The following PCOLCE2 variants were observed in gnomAD, a reference collection of about 807,000 sequenced individuals.
PCOLCE2 encodes the protein procollagen C-proteinase enhancer 2.
In PCOLCE2, 42 loss-of-function variants were observed where a neutral mutation model predicts 47.0. The observed-to-expected ratio is 0.89, with a 90% CI of 0.70 to 1.16. The LOEUF (loss-of-function observed/expected upper bound fraction) is 1.16, where lower values mean the gene tolerates loss of function less well. Ranked by LOEUF, PCOLCE2 falls within the 50% of genes most tolerant of loss-of-function variation. The pLI is 0.00. For synonymous variants in PCOLCE2, 169 were observed against 191.7 expected, an observed-to-expected ratio of 0.88 and a Z score of 0.98; for missense variants, 500 against 526.1, an observed-to-expected ratio of 0.95 and a Z score of 0.49.
intron 2 of PCOLCE2, among the ~76,000 whole-genome samples, chr3:142,849,973 T>A (rs1937371738): frequency 6.6e-6 from 1 of 152,240 alleles, no homozygotes; most frequent in Non-Finnish European, 1.5e-5. Context: ...GTAGAAATTA[T>A]AATGGCGTAG....
chr3:142,833,104 A>G (rs1024923669), intron 5 of PCOLCE2, among the ~76,000 whole-genome samples: 4 of 152,158 alleles, frequency 2.6e-5, no homozygotes, highest in African/African-American at 9.7e-5. Flanking sequence ...TCACACACAT[A>G]TGCATCACTA....
At chr3:142,864,772 A>G (rs1403040712) in intron 2 of PCOLCE2, among the ~76,000 whole-genome samples, 1 of 152,150 alleles carries the variant, frequency 6.6e-6, no homozygotes, top group African/African-American at 2.4e-5. Flanking sequence ...TATGTGGTCT[A>G]TTGCATCTGG....
intron 2 of PCOLCE2, among the ~76,000 whole-genome samples, chr3:142,851,248 G>A (rs1326738932): frequency 1.3e-5 from 2 of 152,150 alleles, no homozygotes; most frequent in African/African-American, 2.4e-5. Context: ...GGACTGCTGG[G>A]GTCCACTTGA....
chr3:142,868,086 G>C (rs1365629452), intron 2 of PCOLCE2, among the ~76,000 whole-genome samples: 1 of 152,134 alleles, frequency 6.6e-6, no homozygotes, highest in Non-Finnish European at 1.5e-5. Context: ...CTCCCATAAA[G>C]GCCATTCAAT....
chr3:142,884,738 A>C (rs921879594), intron 2 of PCOLCE2, among the ~76,000 whole-genome samples: 2 of 152,230 alleles, frequency 1.3e-5, no homozygotes, highest in Admixed American at 6.5e-5. Flanking sequence ...TGCAAAGCAG[A>C]AGTACAACTA....
rs767765923 is a variant in PCOLCE2 at position 142,821,011 on chromosome 3, G to C, written c.984C>G (p.Arg328=). The C allele has an allele frequency of 6.2e-7, 1 of 1,612,880 alleles. No individual in the cohort carries two copies. The highest frequency in any genetic ancestry group is 1.3e-5 in the African/African-American group (1 of 75,014). The part of the protein sequence containing the change: ...LAGTVITTIT[R]DGSLHATVSI... The stretch of plus-strand genomic sequence containing the variant: ...AGACTGTGGCGTGCAAACTCCCATC[G>C]CGAGTGATGGTTGTGATAACAGTGC... Residue 328 remains arginine, a synonymous_variant, in exon 8 of 9, where the codon CGC becomes CGG. Coordinates refer to ENST00000295992, the MANE Select transcript of PCOLCE2 (RefSeq NM_013363.4).
At chr3:142,872,137 T>G (rs2108208413) in intron 2 of PCOLCE2, among the ~76,000 whole-genome samples, 1 of 152,244 alleles carries the variant, frequency 6.6e-6, no homozygotes, top group Admixed American at 6.5e-5. Flanking sequence ...CTCTGTGAGG[T>G]CACCTTGTGC....
intron 2 of PCOLCE2, among the ~76,000 whole-genome samples, chr3:142,851,665 T>G (rs886422096): frequency 6.6e-6 from 1 of 152,142 alleles, no homozygotes. Context: ...ATCACCCATA[T>G]AGATATTGAA....
Position 142,836,854 on chromosome 3 carries a change from G to A in PCOLCE2, c.710+1916C>T, listed in dbSNP as rs188922884. ...GGAAAGTTTCAAGGGAAAAAAGGAG[G>A]AGGTCCAAAGGAAGACATAGATTAA... On this transcript the variant is annotated intron_variant, in intron 5 of 8. Transcript: ENST00000295992. 3.3e-5 allele frequency among the ~76,000 whole-genome samples: 5 copies of A among 152,276 alleles called. No homozygotes were observed. In the East Asian group the frequency reaches 9.7e-4, roughly 29 times the overall value.
intron 2 of PCOLCE2, among the ~76,000 whole-genome samples, chr3:142,879,501 G>C (rs746051502): frequency 3.3e-5 from 5 of 152,166 alleles, no homozygotes; most frequent in African/African-American, 4.8e-5. Flanking sequence ...AACAAATTTA[G>C]AAAAACTGGA....
intron 2 of PCOLCE2, among the ~76,000 whole-genome samples, chr3:142,882,005 G>A (rs1259897914): frequency 6.6e-6 from 1 of 151,830 alleles, no homozygotes; most frequent in African/African-American, 2.4e-5. Context: ...GTGACTCTCT[G>A]GCCCTCCCAC....
rs775681184 is a variant in PCOLCE2 at position 142,823,512 on chromosome 3, G to C, written c.949+20C>G. On this transcript the variant is annotated intron_variant, in intron 7 of 8. Transcript: ENST00000295992. ...TCAAGTTTCTGGTTAAAGAGAAAAA[G>C]ACTGGCTTTTATTTCTTACCAAAGT... 4 of 1,459,536 alleles carry C rather than the reference G, an allele frequency of 2.7e-6. No individual in the cohort carries two copies. The highest frequency in any genetic ancestry group is 1.2e-5 in the South Asian group (1 of 85,932). The allele number at this position is 1,459,536 out of a possible 1,614,324, so 90.4% of individuals were successfully genotyped here. A position where few individuals can be genotyped will look rare whatever the true frequency, so the allele number is the denominator to read the frequency against.
At position 142,827,850 on chromosome 3, in the gene PCOLCE2, A is replaced by G. The variant is rs939217933; in HGVS notation, c.865+1842T>C. 7.2e-4 allele frequency: 386 copies of G among 534,680 alleles called. 3 individuals are homozygous for G. Among genetic ancestry groups the G allele is most frequent in the South Asian group, 1.1e-3 (52 of 45,558 alleles). 33.1% of individuals were successfully genotyped at this position (534,680 alleles called of 1,614,324 possible). A position where few individuals can be genotyped will look rare whatever the true frequency, so the allele number is the denominator to read the frequency against. ...TCAAACCCAACAAGGCGACAGCCTAATTTATAAATCCACCTCCGAATCCAG... is the reference window on the plus strand; with the variant it reads ...TCAAACCCAACAAGGCGACAGCCTAGTTTATAAATCCACCTCCGAATCCAG... On this transcript the variant is annotated intron_variant, in intron 6 of 8. Coordinates refer to ENST00000295992, the MANE Select transcript of PCOLCE2 (RefSeq NM_013363.4).
At position 142,827,632 on chromosome 3, in the gene PCOLCE2, G is replaced by A. The variant is rs952795591; in HGVS notation, c.865+2060C>T. The A allele has an allele frequency of 6.3e-5, 93 of 1,468,972 alleles. 1 individual carries two copies. The highest frequency in any genetic ancestry group is 2.7e-4 in the South Asian group (24 of 87,946). 91.0% of individuals were successfully genotyped at this position (1,468,972 alleles called of 1,614,324 possible). The stretch of plus-strand genomic sequence containing the variant: ...CAAACTGGCCCGTGTGAATGCCCTC[G>A]GCAGCAATGAAAAGCTCCGTCCGCT... On this transcript the variant is annotated intron_variant, in intron 6 of 8. Coordinates refer to ENST00000295992, the MANE Select transcript of PCOLCE2 (RefSeq NM_013363.4).
At chr3:142,864,491 A>C (rs1933243573) in intron 2 of PCOLCE2, 1 of 152,246 alleles carries the variant, frequency 6.6e-6, no homozygotes, top group South Asian at 2.1e-4. Flanking sequence ...TTAAAAAAAC[A>C]AAACAACACA....
chr3:142,830,041 T>C (rs1937128194), intron 5 of PCOLCE2, among the ~76,000 whole-genome samples, 195 bp from the exon 6 acceptor site: 1 of 152,246 alleles, frequency 6.6e-6, no homozygotes, highest in African/African-American at 2.4e-5. Flanking sequence ...CACTGTGCTT[T>C]ATGTGAATTG....
intron 8 of PCOLCE2, 115 bp from the exon 9 acceptor site, chr3:142,818,580 C>A: frequency 1.2e-6 from 1 of 800,058 alleles, no homozygotes; most frequent in Non-Finnish European, 2.1e-6. Flanking sequence ...TAAGATTATA[C>A]ATGTATTCCA....
intron 2 of PCOLCE2, among the ~76,000 whole-genome samples, chr3:142,881,060 A>T (rs1394817129): frequency 6.6e-6 from 1 of 152,214 alleles, no homozygotes; most frequent in East Asian, 1.9e-4. Context: ...TCTCTTGTCT[A>T]ACTGCTCCCC....
intron 2 of PCOLCE2, chr3:142,864,271 C>T (rs1406120088): frequency 2.0e-5 from 3 of 152,308 alleles, no homozygotes; most frequent in East Asian, 3.9e-4. Context: ...GAAGAGATGG[C>T]TGATGTTGAT....
Sources: allele counts gnomAD v4.1 joint callset (sites outside exome capture counted in the v4.1 genomes callset), GRCh38; gene constraint gnomAD v4.1.1; transcripts MANE v1.5; gene names NCBI Gene and HGNC (gene_info 2026-07-23, HGNC 2026-07-21).